The following GNB1 variants were observed in gnomAD, a reference collection of about 807,000 sequenced individuals.
GNB1 encodes the protein G protein subunit beta 1.
Under a neutral mutation model 42.9 loss-of-function variants are expected in GNB1, and 2 were observed. The observed-to-expected ratio is 0.05, with a 90% CI of 0.02 to 0.15. The LOEUF (loss-of-function observed/expected upper bound fraction) is 0.15. Among genes scored for constraint, GNB1 ranks in the 10% least tolerant of loss-of-function variants. The pLI, the probability that GNB1 is intolerant of heterozygous loss-of-function variation, is 1.00. For synonymous variants in GNB1, 183 were observed against 174.7 expected (o/e 1.05, Z -0.38); for missense variants, 193 against 462.2 (o/e 0.42, Z 5.34).
intron 1 of GNB1, among the ~76,000 whole-genome samples, chr1:1,879,926 TTTG>T (rs541699934): frequency 5.9e-5 from 9 of 151,902 alleles, no homozygotes; most frequent in African/African-American, 1.9e-4. Context: ...AGAGCTGTTT[TTTG>T]TTGTTGTTGT....
At position 1,807,463 on chromosome 1, in the gene GNB1, G is replaced by GAAAAAAAAAAAA. The variant is rs533616486; in HGVS notation, c.204-937_204-926dup. Among the ~76,000 whole-genome samples the GAAAAAAAAAAAA allele has an allele frequency of 1.2e-3, 30 of 25,588 alleles. 1 individual carries two copies. The highest frequency in any genetic ancestry group is 3.4e-3 in the African/African-American group (15 of 4,424). The allele number at this position is 25,588 out of a possible 152,430, so 16.8% of individuals were successfully genotyped here. A position where few individuals can be genotyped will look rare whatever the true frequency, so the allele number is the denominator to read the frequency against. ...TGGGCAACAGAGCGAGATCCTGACT[G>GAAAAAAAAAAAA]AAAAAAAAAAAAAAAAAAAAAAAAA... On this transcript the variant is annotated intron_variant, in intron 5 of 11. Transcript: ENST00000378609.
chr1:1,885,759 C>A (rs1427046754), intron 1 of GNB1, among the ~76,000 whole-genome samples: 2 of 150,328 alleles, frequency 1.3e-5, no homozygotes, highest in Admixed American at 6.6e-5. Flanking sequence ...GGGGTTTCAC[C>A]GTGTTAGCCA....
chr1:1,864,362 T>TCTTAG, intron 1 of GNB1, among the ~76,000 whole-genome samples: 1 of 137,034 alleles, frequency 7.3e-6, no homozygotes, highest in East Asian at 2.4e-4. Context: ...AAAAAACTAT[T>TCTTAG]CTTAGCTTCT....
At chr1:1,817,312 G>A (rs1206051610) in intron 4 of GNB1, among the ~76,000 whole-genome samples, 1 of 152,308 alleles carries the variant, frequency 6.6e-6, no homozygotes, top group Admixed American at 6.5e-5. Flanking sequence ...CCAGGGCACA[G>A]AGACACCACA....
intron 1 of GNB1, among the ~76,000 whole-genome samples, chr1:1,846,203 C>T (rs1196335753): frequency 2.0e-5 from 3 of 150,608 alleles, no homozygotes; most frequent in Non-Finnish European, 4.4e-5. Flanking sequence ...CACATGGTAA[C>T]ATATAAATTA....
chr1:1,848,357 C>CAAAAAAAAA (rs56979938), intron 1 of GNB1, among the ~76,000 whole-genome samples: 8 of 94,352 alleles, frequency 8.5e-5, no homozygotes, highest in African/African-American at 3.3e-4. Context: ...CCAGCCCAGG[C>CAAAAAAAAA]AAAAAAAAAA....
chr1:1,846,009 AGG>A (rs1491155927), intron 1 of GNB1, among the ~76,000 whole-genome samples: 59,091 of 151,522 alleles, frequency 0.39, 14,183 homozygotes, highest in Admixed American at 0.54. Flanking sequence ...CACTCCCTCA[AGG>A]TCTGGCACAG....
intron 1 of GNB1, among the ~76,000 whole-genome samples, chr1:1,870,365 G>A (rs940086485): frequency 6.6e-6 from 1 of 151,942 alleles, no homozygotes; most frequent in African/African-American, 2.4e-5. Context: ...GTAGAGACAG[G>A]GTCTCACTAC....
At chr1:1,844,779 T>C (rs1381114450) in intron 1 of GNB1, among the ~76,000 whole-genome samples, 2 of 152,232 alleles carry the variant, frequency 1.3e-5, no homozygotes, top group African/African-American at 4.8e-5. Flanking sequence ...GTCTTATGTT[T>C]ACTACAAACT....
chr1:1,827,298 C>T (rs574844298), intron 2 of GNB1, among the ~76,000 whole-genome samples: 1 of 152,194 alleles, frequency 6.6e-6, no homozygotes. Context: ...AACACGAGCA[C>T]GCAGACCAGG....
chr1:1,790,293 C>G lies in GNB1; in HGVS notation c.699+102G>C. 1 of 779,890 alleles carries G rather than the reference C, an allele frequency of 1.3e-6. No homozygotes were observed. The highest frequency in any genetic ancestry group is 1.6e-5 in the South Asian group (1 of 63,682). The allele number at this position is 779,890 out of a possible 1,614,324, so 48.3% of individuals were successfully genotyped here. On this transcript the variant is annotated intron_variant, in intron 9 of 11. Coordinates refer to ENST00000378609, the MANE Select transcript of GNB1 (RefSeq NM_002074.5). This position sits in a 1 kb window ranked among gnomAD's most constrained non-coding sequence, Gnocchi z 5.4. Reference sequence around the variant, plus strand: ...TCTGTACATGAGGTTGTATAAGGATCAGAAAGGAGAACATCTAATCCAGAA... The same window carrying G: ...TCTGTACATGAGGTTGTATAAGGATGAGAAAGGAGAACATCTAATCCAGAA...
intron 1 of GNB1, among the ~76,000 whole-genome samples, chr1:1,848,109 G>A (rs1158115119): frequency 6.6e-6 from 1 of 152,026 alleles, no homozygotes; most frequent in Non-Finnish European, 1.5e-5. Flanking sequence ...GCCGGGTGCG[G>A]TGGCTCAGGC....
At chr1:1,855,332 A>AG (rs1473866352) in intron 1 of GNB1, among the ~76,000 whole-genome samples, 8 of 151,032 alleles carry the variant, frequency 5.3e-5, no homozygotes, top group Non-Finnish European at 1.2e-4. Flanking sequence ...AAAAAAAAAA[A>AG]AAAAGAAAAG....
At chr1:1,869,627 C>G (rs963778841) in intron 1 of GNB1, among the ~76,000 whole-genome samples, 1 of 152,214 alleles carries the variant, frequency 6.6e-6, no homozygotes, top group East Asian at 1.9e-4. Context: ...TTTGTCTTAT[C>G]ACAGTTATTC....
At chr1:1,857,736 A>C (rs1648384068) in intron 1 of GNB1, among the ~76,000 whole-genome samples, 1 of 152,172 alleles carries the variant, frequency 6.6e-6, no homozygotes, top group Non-Finnish European at 1.5e-5. Flanking sequence ...TAAACTGTGG[A>C]TAGTACCACA....
At chr1:1,809,918 C>A (rs1169635347) in intron 5 of GNB1, among the ~76,000 whole-genome samples, 1 of 152,104 alleles carries the variant, frequency 6.6e-6, no homozygotes, top group African/African-American at 2.4e-5. Context: ...TGTCAAAAAT[C>A]AAAACACCTA....
chr1:1,841,604 A>C (rs1647245374), intron 1 of GNB1, among the ~76,000 whole-genome samples: 1 of 152,236 alleles, frequency 6.6e-6, no homozygotes, highest in Admixed American at 6.5e-5. Context: ...GTGAGTCTGC[A>C]AACTCACATG....
chr1:1,810,061 TG>T (rs1341163671), intron 5 of GNB1, among the ~76,000 whole-genome samples: 1 of 151,504 alleles, frequency 6.6e-6, no homozygotes, highest in African/African-American at 2.4e-5. Context: ...AGGGAGACCC[TG>T]TCTCCACAAA....
intron 1 of GNB1, among the ~76,000 whole-genome samples, chr1:1,849,523 C>CA (rs1647865869): frequency 6.6e-6 from 1 of 152,158 alleles, no homozygotes. Flanking sequence ...CCTCCCACTT[C>CA]AGTCTCCTGA....
Sources: allele counts gnomAD v4.1 joint callset (sites outside exome capture counted in the v4.1 genomes callset), GRCh38; gene constraint gnomAD v4.1.1; non-coding constraint Gnocchi (gnomAD v3.1); transcripts MANE v1.5; gene names NCBI Gene and HGNC (gene_info 2026-07-23, HGNC 2026-07-21).